LRP1B: variants seen among roughly 807,000 people sequenced by gnomAD.
The protein encoded by LRP1B is LDL receptor related protein 1B.
LRP1B carries 217 observed loss-of-function variants against 556.6 expected under a neutral mutation model. The ratio of observed to expected loss-of-function variants is 0.39; its 90% CI spans 0.35 to 0.44. The LOEUF is 0.44. Ranked by LOEUF, LRP1B falls within the 20% of genes least tolerant of loss-of-function variation. The probability of loss-of-function intolerance (pLI) is 1.00; values close to 1 mark genes in which losing one functional copy is unlikely to be tolerated. For synonymous variants in LRP1B, 2,047 were observed against 1,865.8 expected (o/e 1.10, Z -2.50); for missense variants, 5,053 against 5,620.8 (o/e 0.90, Z 3.23).
At chr2:141,335,029 C>T (rs1405894423) in intron 3 of LRP1B, among the ~76,000 whole-genome samples, 1 of 152,186 alleles carries the variant, frequency 6.6e-6, no homozygotes, top group Non-Finnish European at 1.5e-5. Context: ...CTGAATAAGA[C>T]ACATTGATAG....
At chr2:140,590,402 G>T (rs554501547) in intron 43 of LRP1B, among the ~76,000 whole-genome samples, 2 of 151,140 alleles carry the variant, frequency 1.3e-5, no homozygotes, top group South Asian at 4.2e-4. Flanking sequence ...AGTGGCTATG[G>T]ACTGAACTGT....
chr2:140,691,746 T>G (rs1427460794), intron 41 of LRP1B, among the ~76,000 whole-genome samples: 4 of 152,128 alleles, frequency 2.6e-5, no homozygotes, highest in Admixed American at 2.0e-4. Flanking sequence ...ATTCCAAACA[T>G]GCATATGTAT....
At chr2:141,201,576 ATATTT>A (rs1682021375) in intron 6 of LRP1B, among the ~76,000 whole-genome samples, 1 of 152,238 alleles carries the variant, frequency 6.6e-6, no homozygotes, top group South Asian at 2.1e-4. Flanking sequence ...CTAAAAATAC[ATATTT>A]TAAGTTATTA....
At chr2:140,237,220 A>G (rs1288636625) in intron 89 of LRP1B, among the ~76,000 whole-genome samples, 3 of 150,710 alleles carry the variant, frequency 2.0e-5, no homozygotes. Flanking sequence ...CTCTACTTCA[A>G]TATTAACTTC....
chr2:141,336,766 T>G (rs1687862647), intron 3 of LRP1B, among the ~76,000 whole-genome samples: 1 of 152,316 alleles, frequency 6.6e-6, no homozygotes, highest in South Asian at 2.1e-4. Flanking sequence ...TCTTGCTCAC[T>G]ATAATTCTTT....
chr2:141,577,459 T>C (rs1305568941), intron 2 of LRP1B, among the ~76,000 whole-genome samples: 4 of 152,140 alleles, frequency 2.6e-5, no homozygotes, highest in East Asian at 3.9e-4. Context: ...GGAAATTGAA[T>C]TACATAAGGA....
At chr2:140,962,211 T>C (rs1696057751) in intron 18 of LRP1B, among the ~76,000 whole-genome samples, 1 of 152,150 alleles carries the variant, frequency 6.6e-6, no homozygotes, top group African/African-American at 2.4e-5. Flanking sequence ...CTTAAAAGAA[T>C]GTAGCGATCT....
At chr2:141,620,214 C>T (rs1415541029) in intron 2 of LRP1B, among the ~76,000 whole-genome samples, 2 of 152,210 alleles carry the variant, frequency 1.3e-5, no homozygotes, top group African/African-American at 2.4e-5. Flanking sequence ...CAGCCTGTTA[C>T]AGGCATGAGT....
Position 140,239,550 on chromosome 2 carries a change from G to T in LRP1B, c.13325-18C>A. 1 of 1,495,160 alleles carries T rather than the reference G, an allele frequency of 6.7e-7. No individual in the cohort carries two copies. Among genetic ancestry groups the T allele is most frequent in the South Asian group, 1.2e-5 (1 of 85,944 alleles). 92.6% of individuals were successfully genotyped at this position (1,495,160 alleles called of 1,614,324 possible). ...AATGCTTCCTGGAAAATAAATGAGT[G>T]AATAGATGAAGAAATAAATAAAATG... On this transcript the variant is annotated intron_variant, in intron 87 of 90. Coordinates refer to ENST00000389484, the MANE Select transcript of LRP1B (RefSeq NM_018557.3).
chr2:142,000,566 G>C (rs1702623921), intron 1 of LRP1B, among the ~76,000 whole-genome samples: 1 of 152,154 alleles, frequency 6.6e-6, no homozygotes, highest in Non-Finnish European at 1.5e-5. Context: ...CAGTGTGTTA[G>C]AGTAATATGC....
chr2:141,785,025 T>A (rs534189565), intron 2 of LRP1B, among the ~76,000 whole-genome samples: 1 of 152,042 alleles, frequency 6.6e-6, no homozygotes, highest in South Asian at 2.1e-4. Context: ...ACTAGAGACT[T>A]CTAGTCATCA....
intron 3 of LRP1B, among the ~76,000 whole-genome samples, chr2:141,471,835 T>A (rs62166280): frequency 0.44 from 66,895 of 152,084 alleles, 15,029 homozygotes; most frequent in Non-Finnish European, 0.49. Flanking sequence ...TGGCACATTT[T>A]AAAAAGTCTT....
chr2:140,440,178 A>G (rs1330217382), intron 66 of LRP1B, among the ~76,000 whole-genome samples: 2 of 152,208 alleles, frequency 1.3e-5, no homozygotes, highest in African/African-American at 4.8e-5. Flanking sequence ...GGTGAACTCC[A>G]AGAGCATAAG....
chr2:141,433,156 G>A (rs1680627600), intron 3 of LRP1B, among the ~76,000 whole-genome samples: 1 of 151,954 alleles, frequency 6.6e-6, no homozygotes, highest in Non-Finnish European at 1.5e-5. Context: ...GGTTATTCAG[G>A]AGTGTATTTA....
chr2:141,649,803 A>C (rs1054387110), intron 2 of LRP1B, among the ~76,000 whole-genome samples: 4 of 152,232 alleles, frequency 2.6e-5, no homozygotes, highest in Non-Finnish European at 5.9e-5. Flanking sequence ...CAGAAAATTT[A>C]ACCTGAATTG....
intron 1 of LRP1B, among the ~76,000 whole-genome samples, chr2:141,837,912 T>C (rs1303822291): frequency 6.6e-6 from 1 of 152,152 alleles, no homozygotes; most frequent in Non-Finnish European, 1.5e-5. Flanking sequence ...ACAGTGTTTA[T>C]GTAATTGATA....
At chr2:141,505,264 A>G (rs1574023016) in intron 2 of LRP1B, among the ~76,000 whole-genome samples, 1 of 152,062 alleles carries the variant, frequency 6.6e-6, no homozygotes, top group East Asian at 1.9e-4. Flanking sequence ...CCATTTCTTC[A>G]TATATTCAGA....
intron 20 of LRP1B, among the ~76,000 whole-genome samples, chr2:140,932,946 CACATAT>C (rs1439669895): frequency 6.8e-6 from 1 of 146,914 alleles, no homozygotes; most frequent in East Asian, 2.0e-4. Flanking sequence ...TACACATATA[CACATAT>C]ACATATACAC....
At chr2:140,765,077 C>A (rs1689055323) in intron 35 of LRP1B, among the ~76,000 whole-genome samples, 1 of 152,030 alleles carries the variant, frequency 6.6e-6, no homozygotes, top group African/African-American at 2.4e-5. Flanking sequence ...GATCTTGCCA[C>A]CTCTGCCTTC....
Sources: allele counts gnomAD v4.1 joint callset (sites outside exome capture counted in the v4.1 genomes callset), GRCh38; gene constraint gnomAD v4.1.1; transcripts MANE v1.5; gene names NCBI Gene and HGNC (gene_info 2026-07-23, HGNC 2026-07-21).